PCED1B: variants seen among roughly 807,000 people sequenced by gnomAD.
PCED1B encodes the protein PC-esterase domain-containing protein 1B.
For synonymous variants in PCED1B, 251 were observed against 246.1 expected, an observed-to-expected ratio of 1.02 and a Z score of -0.19; for missense variants, 573 against 573.9, an observed-to-expected ratio of 1.00 and a Z score of 0.02.
intron 2 of PCED1B, chr12:47,206,266 AAGGCCATCT>A (rs1416356215): frequency 6.6e-6 from 1 of 152,224 alleles, no homozygotes; most frequent in African/African-American, 2.4e-5. Context: ...TAGTCCTACA[AAGGCCATCT>A]AGTCCCCAGA....
At chr12:47,174,844 G>A (rs1941872017) in intron 2 of PCED1B, among the ~76,000 whole-genome samples, 1 of 152,144 alleles carries the variant, frequency 6.6e-6, no homozygotes, top group Admixed American at 6.5e-5. Context: ...ATTAACTTGA[G>A]CAAGTTACTT....
intron 1 of PCED1B, among the ~76,000 whole-genome samples, chr12:47,092,604 AGGG>A (rs1938313904): frequency 6.6e-6 from 1 of 152,008 alleles, no homozygotes; most frequent in Non-Finnish European, 1.5e-5. Context: ...TTCCAGTCTT[AGGG>A]GGAAGTTTTC....
intron 2 of PCED1B, among the ~76,000 whole-genome samples, chr12:47,105,686 G>A (rs1938916616): frequency 1.3e-5 from 2 of 152,102 alleles, no homozygotes; most frequent in South Asian, 2.1e-4. Flanking sequence ...CAAAATAGTC[G>A]ACCCTAGTTG....
intron 2 of PCED1B, among the ~76,000 whole-genome samples, chr12:47,131,091 A>G (rs1940105770): frequency 6.6e-6 from 1 of 152,192 alleles, no homozygotes; most frequent in Non-Finnish European, 1.5e-5. Flanking sequence ...TATGAATTTG[A>G]GTTACTTTTA....
At chr12:47,133,826 T>C (rs1295795218) in intron 2 of PCED1B, among the ~76,000 whole-genome samples, 1 of 152,184 alleles carries the variant, frequency 6.6e-6, no homozygotes, top group Admixed American at 6.5e-5. Context: ...GATGGTATTA[T>C]GAAGTGGAAC....
intron 3 of PCED1B, among the ~76,000 whole-genome samples, chr12:47,228,031 T>C (rs970736756): frequency 7.3e-6 from 1 of 136,264 alleles, no homozygotes; most frequent in South Asian, 2.6e-4. Context: ...CTTTGTTTTT[T>C]CTTTTCCTTT....
chr12:47,220,694 A>G (rs1239357539), intron 3 of PCED1B, among the ~76,000 whole-genome samples: 1 of 152,230 alleles, frequency 6.6e-6, no homozygotes, highest in African/African-American at 2.4e-5. Flanking sequence ...ATAGAGTGGG[A>G]TAGAATGGCA....
rs769813694 is a variant in PCED1B, at chr12:47,235,767, G to T, written c.704G>T (p.Arg235Leu). 5 of 1,591,966 alleles carry T rather than the reference G, an allele frequency of 3.1e-6. No homozygotes were observed. In the African/African-American group the frequency reaches 6.7e-5, roughly 21 times the overall value. ...LHWDGVHWNG[R>L]VHRCLSQLLL... Reference sequence around the variant, plus strand: ...TGGGACGGGGTGCACTGGAATGGACGTGTGCACCGCTGCCTCTCCCAGCTG... The same window carrying T: ...TGGGACGGGGTGCACTGGAATGGACTTGTGCACCGCTGCCTCTCCCAGCTG... Residue 235 changes from arginine (R) to leucine (L), a missense_variant, in exon 4 of 4, where the codon CGT (arginine) becomes CTT (leucine). Transcript: ENST00000546455.
rs529592161 is a variant in PCED1B at position 47,194,988 on chromosome 12, G to T, written c.-525-21234G>T. On this transcript the variant is annotated intron_variant, in intron 2 of 3. Transcript: ENST00000546455. ...TGAAGAAATGTGTTCTTGTATGAGA[G>T]GGGGGAAGAAAAGCCTGTTTTAGTC... 8.4e-3 allele frequency among the ~76,000 whole-genome samples: 1,067 copies of T among 127,742 alleles called. 7 individuals are homozygous for T. The highest frequency in any genetic ancestry group is 0.046 in the African/African-American group (1,012 of 21,848). The allele number at this position is 127,742 out of a possible 152,430, so 83.8% of individuals were successfully genotyped here. A position where few individuals can be genotyped will look rare whatever the true frequency, so the allele number is the denominator to read the frequency against.
At chr12:47,230,664 A>G (rs1410572514) in intron 3 of PCED1B, among the ~76,000 whole-genome samples, 3 of 149,362 alleles carry the variant, frequency 2.0e-5, no homozygotes, top group East Asian at 2.0e-4. Flanking sequence ...CTGGTCTTGA[A>G]CTCCTGATCT....
intron 2 of PCED1B, among the ~76,000 whole-genome samples, chr12:47,137,874 G>A (rs1031856251): frequency 6.6e-6 from 1 of 152,040 alleles, no homozygotes; most frequent in African/African-American, 2.4e-5. Context: ...TTACATTGAA[G>A]CTAAGAGGTG....
chr12:47,146,106 G>A (rs1940773890), intron 2 of PCED1B, among the ~76,000 whole-genome samples: 1 of 152,164 alleles, frequency 6.6e-6, no homozygotes, highest in Non-Finnish European at 1.5e-5. Context: ...CAGTTCTCAT[G>A]GGTGACTTTA....
intron 2 of PCED1B, chr12:47,210,027 A>C (rs549796271): frequency 6.6e-6 from 1 of 152,356 alleles, no homozygotes; most frequent in African/African-American, 2.4e-5. Context: ...AAGGAGTCAC[A>C]GATGATCTTG....
At chr12:47,098,586 C>G (rs10437985) in intron 1 of PCED1B, among the ~76,000 whole-genome samples, 7,477 of 152,242 alleles carry the variant, frequency 0.049, 320 homozygotes, top group South Asian at 0.1. Context: ...GGGTTCACCC[C>G]ATTCTCCTGC....
chr12:47,112,936 T>C (rs1280644320), intron 2 of PCED1B, among the ~76,000 whole-genome samples: 1 of 152,206 alleles, frequency 6.6e-6, no homozygotes, highest in Non-Finnish European at 1.5e-5. Flanking sequence ...TGCCCTGCTG[T>C]GTGCAAAAGC....
At chr12:47,212,002 G>C (rs1299726029) in intron 2 of PCED1B, among the ~76,000 whole-genome samples, 6 of 151,378 alleles carry the variant, frequency 4.0e-5, no homozygotes, top group East Asian at 3.9e-4. Context: ...GTGAACCCGG[G>C]AGGCGGAGCT....
Position 47,174,356 on chromosome 12 carries a change from C to T in PCED1B, c.-525-41866C>T, listed in dbSNP as rs371663589. ...CCTGGGAGGTGGAGGTTGCAGTTAG[C>T]GGAGATTGCGCTACCGCACTCCAGC... On this transcript the variant is annotated intron_variant, in intron 2 of 3. Transcript: ENST00000546455. Among the ~76,000 whole-genome samples the T allele has an allele frequency of 2.1e-4, 31 of 150,776 alleles. No individual in the cohort carries two copies. In the South Asian group the frequency reaches 6.1e-3, roughly 29 times the overall value.
chr12:47,186,946 T>A (rs1381214170), intron 2 of PCED1B, among the ~76,000 whole-genome samples: 3 of 152,086 alleles, frequency 2.0e-5, no homozygotes, highest in Non-Finnish European at 2.9e-5. Context: ...GGGAAGGAGA[T>A]TTCCATGACT....
At chr12:47,126,442 A>C (rs1939891203) in intron 2 of PCED1B, among the ~76,000 whole-genome samples, 1 of 152,112 alleles carries the variant, frequency 6.6e-6, no homozygotes, top group African/African-American at 2.4e-5. Flanking sequence ...ATTAAGTTTC[A>C]TGAGGGATAT....
Sources: gnomAD v4.1 joint callset for allele counts (sites outside exome capture counted in the v4.1 genomes callset) on GRCh38, gnomAD v4.1.1 for gene constraint, MANE v1.5 for transcripts, NCBI Gene and HGNC (gene_info 2026-07-23, HGNC 2026-07-21) for gene names.